The following TOX2 variants were observed in gnomAD, a reference collection of about 807,000 sequenced individuals.
The protein encoded by TOX2 is granulosa cell HMG box 1.
A neutral mutation model predicts 47.4 loss-of-function variants in TOX2; 15 were observed. The observed-to-expected ratio is 0.32, with a 90% CI of 0.21 to 0.49. The LOEUF (loss-of-function observed/expected upper bound fraction) is 0.49, where lower values mean the gene tolerates loss of function less well. TOX2 is among the 20% of genes least tolerant of loss of function. The probability of loss-of-function intolerance (pLI) is 0.99; values close to 1 mark genes in which losing one functional copy is unlikely to be tolerated. For missense variants in TOX2, 622 were observed against 673.1 expected (o/e 0.92, Z 0.84); for synonymous variants, 290 against 296.6 (o/e 0.98, Z 0.23).
Position 43,916,158 on chromosome 20 carries a change from T to C in TOX2, c.99+1168T>C, listed in dbSNP as rs2069052720. 1 of 985,398 alleles carries C rather than the reference T, an allele frequency of 1.0e-6. No homozygotes were observed. Among genetic ancestry groups the C allele is most frequent in the South Asian group, 4.7e-5 (1 of 21,282 alleles). 61.0% of individuals were successfully genotyped at this position (985,398 alleles called of 1,614,324 possible). ...CGGAGCCCGGATTGAACAGCGCGCG[T>C]GGGTTTCCCGCAGCCCTGGCGCAGA... On this transcript the variant is annotated intron_variant, in intron 1 of 8. Coordinates refer to ENST00000341197, the MANE Select transcript of TOX2 (RefSeq NM_001098797.2). The surrounding 1 kb of genome is among the most constrained non-coding windows in gnomAD (Gnocchi z 5.0).
intron 3 of TOX2, among the ~76,000 whole-genome samples, chr20:44,020,463 A>G (rs551676645): frequency 3.8e-4 from 58 of 152,342 alleles, no homozygotes; most frequent in Admixed American, 2.9e-3. Context: ...ACTTAAAGTA[A>G]AATTAAAAAT....
At chr20:44,012,873 G>A (rs759095385) in intron 3 of TOX2, among the ~76,000 whole-genome samples, 11 of 152,152 alleles carry the variant, frequency 7.2e-5, no homozygotes, top group Non-Finnish European at 1.0e-4. Flanking sequence ...TGTGTTCTAG[G>A]TCCCCGTCCC....
At position 43,916,858 on chromosome 20, in the gene TOX2, G is replaced by C. The variant is rs930980820; in HGVS notation, c.99+1868G>C. On this transcript the variant is annotated intron_variant, in intron 1 of 8. Transcript: ENST00000341197. The surrounding 1 kb of genome is among the most constrained non-coding windows in gnomAD (Gnocchi z 5.0). ...CCAGGGTGGGGCTGTCCCAAATAGG[G>C]GCCTTTGGAGGCAGGACTCAGCCGA... is the stretch of plus-strand genomic sequence containing the variant. Among the ~76,000 whole-genome samples, 2 of 152,120 alleles carry C rather than the reference G, an allele frequency of 1.3e-5. No individual in the cohort carries two copies. The highest frequency in any genetic ancestry group is 4.8e-5 in the African/African-American group (2 of 41,414).
chr20:44,030,398 A>C (rs184579228), intron 3 of TOX2, among the ~76,000 whole-genome samples: 26 of 152,252 alleles, frequency 1.7e-4, no homozygotes, highest in Non-Finnish European at 2.8e-4. Flanking sequence ...AATACAAGTC[A>C]CTGCTCTGCC....
chr20:43,936,149 C>T (rs991151892), intron 1 of TOX2, among the ~76,000 whole-genome samples: 1 of 152,162 alleles, frequency 6.6e-6, no homozygotes, highest in Admixed American at 6.5e-5. Flanking sequence ...TAGAGACAGG[C>T]AGACCTACCC....
intron 4 of TOX2, among the ~76,000 whole-genome samples, chr20:44,053,609 C>CCT (rs148964692): frequency 2.2e-4 from 33 of 147,948 alleles, no homozygotes; most frequent in Admixed American, 9.5e-4. Flanking sequence ...CATATATATA[C>CCT]ATATACACAC....
intron 1 of TOX2, among the ~76,000 whole-genome samples, chr20:43,928,275 A>G (rs1311047041): frequency 6.6e-6 from 1 of 152,228 alleles, no homozygotes; most frequent in Non-Finnish European, 1.5e-5. Context: ...TATGAAATTA[A>G]ATGAGGTAAT....
rs763673561 is a variant in TOX2, at chr20:44,051,284, C to A, written c.412-22C>A. On this transcript the variant is annotated intron_variant, in intron 3 of 8. Coordinates refer to ENST00000341197, the MANE Select transcript of TOX2 (RefSeq NM_001098797.2). ...GCAGGACAGATCCTTCCTAACTCAACCCTCCTGTCCTCCTCTCTTAGATCC... is the reference window on the plus strand; with the variant it reads ...GCAGGACAGATCCTTCCTAACTCAAACCTCCTGTCCTCCTCTCTTAGATCC... 16 of 1,577,150 alleles carry A rather than the reference C, an allele frequency of 1.0e-5. No individual in the cohort carries two copies. In the East Asian group the frequency reaches 2.9e-4, roughly 29 times the overall value.
chr20:44,000,066 T>C (rs1000576526), intron 2 of TOX2, among the ~76,000 whole-genome samples: 1 of 151,712 alleles, frequency 6.6e-6, no homozygotes, highest in African/African-American at 2.4e-5. Flanking sequence ...GTAGCTGGAG[T>C]GGTATGAACA....
At chr20:43,938,052 A>G (rs2069350457) in intron 1 of TOX2, among the ~76,000 whole-genome samples, 1 of 152,168 alleles carries the variant, frequency 6.6e-6, no homozygotes, top group Non-Finnish European at 1.5e-5. Flanking sequence ...GTGAAGAGGA[A>G]GCTTTGAGGG....
At chr20:43,943,837 A>G (rs574171389) in intron 1 of TOX2, among the ~76,000 whole-genome samples, 3 of 143,002 alleles carry the variant, frequency 2.1e-5, no homozygotes, top group Non-Finnish European at 4.5e-5. Flanking sequence ...AAGGCCGCAT[A>G]GTATTCCATT....
chr20:43,984,626 A>G (rs113128787), intron 2 of TOX2, among the ~76,000 whole-genome samples: 199 of 152,304 alleles, frequency 1.3e-3, no homozygotes, highest in South Asian at 8.3e-3. Context: ...AGGCATGGAG[A>G]CATTGGGGAA....
At chr20:43,927,770 TC>T (rs1032955424) in intron 1 of TOX2, among the ~76,000 whole-genome samples, 1 of 99,040 alleles carries the variant, frequency 1.0e-5, no homozygotes, top group South Asian at 3.8e-4. Context: ...CCTCCCTCCC[TC>T]CCTCTTTCCC....
intron 2 of TOX2, 39 bp downstream of exon 2, chr20:43,973,471 T>G: frequency 1.2e-6 from 2 of 1,603,700 alleles, no homozygotes; most frequent in Non-Finnish European, 1.7e-6. Context: ...GTCTTAAGAT[T>G]TGGGCTGGCT....
chr20:43,932,805 G>A (rs887226356), intron 1 of TOX2, among the ~76,000 whole-genome samples: 7 of 151,776 alleles, frequency 4.6e-5, no homozygotes, highest in Non-Finnish European at 8.8e-5. Flanking sequence ...CTGAGGGCAG[G>A]TCAGCGGCTT....
At chr20:44,035,313 C>T (rs907341199) in intron 3 of TOX2, among the ~76,000 whole-genome samples, 1 of 152,238 alleles carries the variant, frequency 6.6e-6, no homozygotes, top group Admixed American at 6.5e-5. Context: ...TCTGAAGCCT[C>T]AGTGAAGCCA....
chr20:43,944,919 G>C (rs559350801), intron 1 of TOX2, among the ~76,000 whole-genome samples: 1 of 152,308 alleles, frequency 6.6e-6, no homozygotes, highest in East Asian at 1.9e-4. Flanking sequence ...TTATTTCAAA[G>C]TCTGCCTTCT....
At chr20:44,045,586 T>G (rs1457516244) in intron 3 of TOX2, among the ~76,000 whole-genome samples, 2 of 152,228 alleles carry the variant, frequency 1.3e-5, no homozygotes, top group African/African-American at 4.8e-5. Flanking sequence ...ATACTGAGTG[T>G]TGCCAGGTTG....
intron 3 of TOX2, among the ~76,000 whole-genome samples, chr20:44,036,944 A>G (rs1172735921): frequency 6.6e-6 from 1 of 152,096 alleles, no homozygotes; most frequent in East Asian, 1.9e-4. Context: ...AGAACCTTCT[A>G]TTGTTTCTCA....
Sources: allele counts gnomAD v4.1 joint callset (sites outside exome capture counted in the v4.1 genomes callset), GRCh38; gene constraint gnomAD v4.1.1; non-coding constraint Gnocchi (gnomAD v3.1); transcripts MANE v1.5; gene names NCBI Gene and HGNC (gene_info 2026-07-23, HGNC 2026-07-21).